BCKDHB: variants seen among roughly 807,000 people sequenced by gnomAD.
The protein encoded by BCKDHB is 2-oxoisovalerate dehydrogenase subunit beta, mitochondrial.
A neutral mutation model predicts 48.5 loss-of-function variants in BCKDHB; 41 were observed. The ratio of observed to expected loss-of-function variants is 0.85; its 90% CI spans 0.66 to 1.10. The LOEUF is 1.10. Ranked by LOEUF, BCKDHB falls within the 50% of genes least tolerant of loss-of-function variation. The pLI, the probability that BCKDHB is intolerant of heterozygous loss-of-function variation, is 0.00. For synonymous variants in BCKDHB, 201 were observed against 174.8 expected (o/e 1.15, Z -1.18); for missense variants, 496 against 494.2 (o/e 1.00, Z -0.03).
At chr6:80,168,640 G>C (rs1772709882) in intron 4 of BCKDHB, among the ~76,000 whole-genome samples, 1 of 143,666 alleles carries the variant, frequency 7.0e-6, no homozygotes, top group Non-Finnish European at 1.5e-5. Context: ...AGGGAGGGAC[G>C]AGACCCTGTC....
At chr6:80,364,972 C>T in the BCKDHB span, among the ~76,000 whole-genome samples, 1 of 152,118 alleles carries the variant, frequency 6.6e-6, no homozygotes, top group African/African-American at 2.4e-5. Context: ...CCCGTGATGC[C>T]CGCCTGAGCC....
intron 1 of BCKDHB, 117 bp downstream of exon 1, chr6:80,107,006 C>G: frequency 7.6e-7 from 1 of 1,320,692 alleles, no homozygotes; most frequent in Non-Finnish European, 1.1e-6. Context: ...TTATTAACTT[C>G]CTGACTCTCT....
intron 6 of BCKDHB, among the ~76,000 whole-genome samples, chr6:80,185,705 C>G (rs964570266): frequency 2.0e-5 from 3 of 152,160 alleles, no homozygotes. Flanking sequence ...TTGCTTTAGC[C>G]ACTCAGCGGG....
chr6:80,427,696 T>A, the BCKDHB span, among the ~76,000 whole-genome samples: 1 of 152,228 alleles, frequency 6.6e-6, no homozygotes, highest in Non-Finnish European at 1.5e-5. Context: ...AATATCTTTA[T>A]TAAATCTTCA....
At chr6:80,370,806 GTGTA>G in the BCKDHB span, among the ~76,000 whole-genome samples, 6,234 of 121,292 alleles carry the variant, frequency 0.051, 263 homozygotes, top group African/African-American at 0.12. Context: ...GTGTGTGTGT[GTGTA>G]TATATATATG....
At chr6:80,264,833 T>G (rs1220476123) in intron 8 of BCKDHB, among the ~76,000 whole-genome samples, 1 of 152,082 alleles carries the variant, frequency 6.6e-6, no homozygotes, top group African/African-American at 2.4e-5. Context: ...ATTAGATGTA[T>G]TAAGCACCTT....
chr6:80,384,041 A>G, the BCKDHB span, among the ~76,000 whole-genome samples: 1 of 37,944 alleles, frequency 2.6e-5, no homozygotes, highest in African/African-American at 4.4e-5. Flanking sequence ...TTCCCCCAGG[A>G]AGTTAACATA....
In BCKDHB at chr6:80,138,253, A is replaced by G. The variant is rs143303756; in HGVS notation, c.343+9024A>G. 1.7e-3 allele frequency among the ~76,000 whole-genome samples: 262 copies of G among 151,920 alleles called. 1 individual carries two copies. Among genetic ancestry groups the G allele is most frequent in the African/African-American group, 6.0e-3 (248 of 41,542 alleles). ...ATATTTTTCCCTCATTTATAAATGA[A>G]CAGCTAATTTATGTAAAAACATAAA... is the stretch of plus-strand genomic sequence containing the variant. On this transcript the variant is annotated intron_variant, in intron 3 of 9. Transcript: ENST00000320393.
the BCKDHB span, among the ~76,000 whole-genome samples, chr6:80,411,335 C>T: frequency 6.6e-6 from 1 of 152,206 alleles, no homozygotes. Context: ...CCTCTGGAAG[C>T]TTCATCCCAG....
At chr6:80,354,653 A>C in the BCKDHB span, among the ~76,000 whole-genome samples, 1 of 152,016 alleles carries the variant, frequency 6.6e-6, no homozygotes, top group Admixed American at 6.6e-5. Flanking sequence ...AGGTTTTACT[A>C]TTACGTTTTT....
At chr6:80,153,577 G>A (rs962724685) in intron 3 of BCKDHB, among the ~76,000 whole-genome samples, 6 of 152,094 alleles carry the variant, frequency 3.9e-5, no homozygotes, top group African/African-American at 1.2e-4. Flanking sequence ...TGGCTGCCAC[G>A]TGCCTCTCAA....
intron 9 of BCKDHB, among the ~76,000 whole-genome samples, chr6:80,339,158 A>G (rs1370365777): frequency 6.6e-6 from 1 of 152,182 alleles, no homozygotes; most frequent in East Asian, 1.9e-4. Flanking sequence ...ATATTGAGAG[A>G]TCCCAAGGAA....
At chr6:80,272,779 T>G (rs1412011386) in intron 8 of BCKDHB, among the ~76,000 whole-genome samples, 1 of 152,146 alleles carries the variant, frequency 6.6e-6, no homozygotes, top group East Asian at 1.9e-4. Context: ...AAACTTTCGC[T>G]CTTTAACATG....
chr6:80,403,286 G>C, the BCKDHB span, among the ~76,000 whole-genome samples: 30 of 151,696 alleles, frequency 2.0e-4, no homozygotes, highest in South Asian at 6.2e-3. Context: ...GTGCTTTATA[G>C]TTTTTCAGCA....
Position 80,268,055 on chromosome 6 carries a change from T to C in BCKDHB, c.952-5080T>C, listed in dbSNP as rs80119953. ...ACTGTTTTTTTGTTGTTGTTTAGCA[T>C]TGGCATTTCTCCAGCGGAATACTAG... On this transcript the variant is annotated intron_variant, in intron 8 of 9. Transcript: ENST00000320393. Among the ~76,000 whole-genome samples, 1,454 of 152,172 alleles carry C rather than the reference T, an allele frequency of 9.6e-3. 29 individuals are homozygous for C. The highest frequency in any genetic ancestry group is 0.033 in the African/African-American group (1,381 of 41,524).
intron 9 of BCKDHB, among the ~76,000 whole-genome samples, chr6:80,283,074 G>A (rs1282743432): frequency 6.6e-6 from 1 of 152,100 alleles, no homozygotes; most frequent in Admixed American, 6.6e-5. Context: ...CACCGCATAA[G>A]ATTTGGTTTT....
At chr6:80,337,538 A>G (rs1769655268) in intron 9 of BCKDHB, among the ~76,000 whole-genome samples, 1 of 151,888 alleles carries the variant, frequency 6.6e-6, no homozygotes, top group Non-Finnish European at 1.5e-5. Flanking sequence ...TTTTTTTCCT[A>G]GAGAAGAAAT....
Position 80,190,502 on chromosome 6 carries a change from T to A in BCKDHB, c.743-10432T>A, listed in dbSNP as rs572665127. Among the ~76,000 whole-genome samples, 15 of 152,250 alleles carry A rather than the reference T, an allele frequency of 9.9e-5. No homozygotes were observed. The East Asian group carries it at 2.9e-3, about 29-fold the overall frequency. ...TTCTTTAATATGTCTTTGCCTGTTT[T>A]CTCATCTGTAGCATTGGGATAAATC... is the stretch of plus-strand genomic sequence containing the variant. On this transcript the variant is annotated intron_variant, in intron 6 of 9. Transcript: ENST00000320393.
At chr6:80,196,375 C>T (rs747682370) in intron 6 of BCKDHB, among the ~76,000 whole-genome samples, 10 of 152,162 alleles carry the variant, frequency 6.6e-5, no homozygotes, top group Non-Finnish European at 1.3e-4. Context: ...AGACCCACAG[C>T]AGTTGTATCC....
Sources: allele counts gnomAD v4.1 joint callset (sites outside exome capture counted in the v4.1 genomes callset), GRCh38; gene constraint gnomAD v4.1.1; transcripts MANE v1.5; gene names NCBI Gene and HGNC (gene_info 2026-07-23, HGNC 2026-07-21).